The following RRP8 variants were observed in gnomAD, a reference collection of about 807,000 sequenced individuals.
The protein encoded by RRP8 is ribosomal RNA processing 8, also known as ribosomal RNA-processing protein 8.
In RRP8, 48 loss-of-function variants were observed where a neutral mutation model predicts 45.0. That is an observed-to-expected ratio of 1.07 (90% CI 0.85 to 1.36). The LOEUF is 1.36. Among genes scored for constraint, RRP8 ranks in the 40% most tolerant of loss-of-function variants. The pLI, the probability that RRP8 is intolerant of heterozygous loss-of-function variation, is 0.00. For synonymous variants in RRP8, 274 were observed against 212.4 expected, an observed-to-expected ratio of 1.29 and a Z score of -2.52; for missense variants, 658 against 573.7, an observed-to-expected ratio of 1.15 and a Z score of -1.50.
rs1385838889 is a variant in RRP8 at position 6,601,376 on chromosome 11, GCTGT to G, written c.686_689del (p.Asp229AlafsTer59). 1 of 1,614,150 alleles carries G rather than the reference GCTGT, an allele frequency of 6.2e-7. No individual in the cohort carries two copies. The highest frequency in any genetic ancestry group is 8.5e-7 in the Non-Finnish European group (1 of 1,180,022). Reference sequence around the variant, plus strand: ...GCAAAGCCCCTGCCCGAGCCTCATGGCTGTCTGTCCTGGGAACAGGAGACACCTC... The same window carrying G: ...GCAAAGCCCCTGCCCGAGCCTCATGGCTGTCCTGGGAACAGGAGACACCTC... On this transcript the variant is annotated frameshift_variant, in exon 3 of 7. Transcript: ENST00000254605. LOFTEE classifies it high-confidence loss of function.
rs749681682 is a variant in RRP8 at position 6,602,058 on chromosome 11, G to C, written c.257C>G (p.Ala86Gly). The C allele has an allele frequency of 2.5e-6, 4 of 1,613,796 alleles. No homozygotes were observed. The highest frequency in any genetic ancestry group is 1.7e-5 in the Admixed American group (1 of 59,980). The change falls in exon 2 of 7, where the codon GCT (alanine) becomes GGT (glycine). Residue 86 changes from alanine to glycine, a missense_variant. By Grantham distance (60) the Ala-to-Gly change is moderately conservative (BLOSUM62 0). Transcript: ENST00000254605. ...PKKASFASASAEVGKKGKKKC... is the reference protein window; with the variant it reads ...PKKASFASASGEVGKKGKKKC... The stretch of plus-strand genomic sequence containing the variant: ...CTTCTTCCCTTTCTTCCCTACTTCA[G>C]CAGAGGCACTGGCAAATGATGCCTT...
chr11:6,603,469 G>C lies in RRP8; in HGVS notation c.34C>G (p.Pro12Ala), dbSNP rs990863254. ...ACGGGCCCAAGGCCCGCGGCTACTG[G>C]GGCCGCCTCGGCCCACTCAGGCTCT... is the stretch of plus-strand genomic sequence containing the variant. ...FEEPEWAEAA[P>A]VAAGLGPVIS... Residue 12 changes from proline to alanine, a missense_variant, in exon 1 of 7, where the codon CCA becomes GCA. Transcript: ENST00000254605. The C allele has an allele frequency of 6.3e-7, 1 of 1,598,964 alleles. No homozygotes were observed. The highest frequency in any genetic ancestry group is 1.3e-5 in the African/African-American group (1 of 74,508).
At chr11:6,603,154 G>A (rs1213636664) in intron 1 of RRP8, among the ~76,000 whole-genome samples, 1 of 152,212 alleles carries the variant, frequency 6.6e-6, no homozygotes, top group Non-Finnish European at 1.5e-5. Context: ...GACAGAACAT[G>A]CTCTCTTGTC....
Position 6,600,062 on chromosome 11 carries a change from G to T in RRP8, c.*84C>A. Reference sequence around the variant, plus strand: ...AGGGTCCACCAGGAACCAGGTCTTGGCTCACAGCCAGGCTGGAAACAGTCT... The same window carrying T: ...AGGGTCCACCAGGAACCAGGTCTTGTCTCACAGCCAGGCTGGAAACAGTCT... On this transcript the variant is annotated 3_prime_UTR_variant, in exon 7 of 7. Transcript: ENST00000254605. 1.1e-6 allele frequency: 1 copy of T among 907,660 alleles called. No individual in the cohort carries two copies. 56.2% of individuals were successfully genotyped at this position (907,660 alleles called of 1,614,324 possible).
At position 6,601,495 on chromosome 11, in the gene RRP8, G is replaced by A. The variant is rs142862258; in HGVS notation, c.571C>T (p.Arg191Trp). Residue 191 changes from arginine to tryptophan, a missense_variant, in exon 3 of 7, where the codon CGG becomes TGG. Transcript: ENST00000254605. Reference sequence around the variant, plus strand: ...TTACATCTTCTCTTGTTCTTTTGCCGGTTCCGCCACTGCTTGCGGCTTAAT... The same window carrying A: ...TTACATCTTCTCTTGTTCTTTTGCCAGTTCCGCCACTGCTTGCGGCTTAAT... ...HTLSRKQWRN[R>W]QKNKRRCKNK... is the part of the protein sequence containing the mutation. 8.7e-5 allele frequency: 140 copies of A among 1,613,252 alleles called. No individual in the cohort carries two copies. Among genetic ancestry groups the A allele is most frequent in the African/African-American group, 8.4e-4 (63 of 75,026 alleles).
chr11:6,600,310 C>T (rs777227190), intron 6 of RRP8, 45 bp from the exon 7 acceptor site: 6 of 1,393,266 alleles, frequency 4.3e-6, no homozygotes, highest in Non-Finnish European at 5.9e-6. Context: ...CTCATCCCAA[C>T]TCCTTAAAAC....
Position 6,601,331 on chromosome 11 carries a change from C to A in RRP8, c.735G>T (p.Arg245=), listed in dbSNP as rs1854352953. ...GGTAGCGAAATCGGGCCCCATCCAG[C>A]CGCTGTGCCATGCGGGCTCGCAAAG... The part of the protein sequence containing the change: ...AGALRARMAQ[R]LDGARFRYLN... Residue 245 remains arginine, a synonymous_variant, in exon 3 of 7, where the codon CGG becomes CGT. Transcript: ENST00000254605. 1 of 1,613,792 alleles carries A rather than the reference C, an allele frequency of 6.2e-7. No individual in the cohort carries two copies. The highest frequency in any genetic ancestry group is 1.3e-5 in the African/African-American group (1 of 74,930).
At position 6,603,439 on chromosome 11, in the gene RRP8, A is replaced by G. The variant is rs749917411; in HGVS notation, c.64T>C (p.Ser22Pro). The G allele has an allele frequency of 6.2e-7, 1 of 1,605,396 alleles. No homozygotes were observed. The highest frequency in any genetic ancestry group is 1.7e-5 in the Admixed American group (1 of 59,024). The change falls in exon 1 of 7, where the codon TCA becomes CCA. Residue 22 changes from serine (S) to proline (P), a missense_variant. Ser to Pro is a moderately conservative substitution (Grantham distance 74). Coordinates refer to ENST00000254605, the MANE Select transcript of RRP8 (RefSeq NM_015324.4). ...GAGGAGGCCGCAGGCGGAGGTCGTG[A>G]GATTACGGGCCCAAGGCCCGCGGCT... ...PVAAGLGPVI[S>P]RPPPAASSQN... is the part of the protein sequence containing the mutation.
At position 6,598,582 on chromosome 11, in the gene RRP8, A is replaced by C. The variant is rs1425486386; in HGVS notation, c.*1564T>G. 6.6e-6 allele frequency: 1 copy of C among 152,276 alleles called. No individual in the cohort carries two copies. The highest frequency in any genetic ancestry group is 1.9e-4 in the East Asian group (1 of 5,210). The allele number at this position is 152,276 out of a possible 1,614,324, so 9.4% of individuals were successfully genotyped here. Reference sequence around the variant, plus strand: ...GAACTGATTTTGCTTTGGGAGTAGAATAGGAAACAACTAGGCTGTTCGGAA... The same window carrying C: ...GAACTGATTTTGCTTTGGGAGTAGACTAGGAAACAACTAGGCTGTTCGGAA... On this transcript the variant is annotated 3_prime_UTR_variant, in exon 7 of 7. Transcript: ENST00000254605.
rs1854232558 is a variant in RRP8, at chr11:6,596,600, T to C, written c.*3546A>G. 4 of 152,094 alleles carry C rather than the reference T, an allele frequency of 2.6e-5. No homozygotes were observed. In the South Asian group the frequency reaches 6.2e-4, roughly 24 times the overall value. The allele number at this position is 152,094 out of a possible 1,614,324, so 9.4% of individuals were successfully genotyped here. On this transcript the variant is annotated 3_prime_UTR_variant, in exon 7 of 7. Transcript: ENST00000254605. ...ACCAGTAAGGCAGTTACTGCAGGAG[T>C]TGGGTATCCTAAAACCAGATGGCTG...
At position 6,603,399 on chromosome 11, in the gene RRP8, C is replaced by G; in HGVS notation, c.99+5G>C. On this transcript the variant is annotated splice_donor_5th_base_variant and intron_variant, in intron 1 of 6. Transcript: ENST00000254605. ...CAGCTCCCATTGCTCCCGCGAGTCA[C>G]TCACCTTGTTTTGCGAGGAGGCCGC... The G allele has an allele frequency of 6.3e-7, 1 of 1,596,472 alleles. No homozygotes were observed. The highest frequency in any genetic ancestry group is 8.5e-7 in the Non-Finnish European group (1 of 1,171,634).
chr11:6,601,692 T>C, intron 2 of RRP8, 90 bp from the exon 3 acceptor site: 3 of 1,496,316 alleles, frequency 2.0e-6, no homozygotes, highest in South Asian at 2.6e-5. Context: ...CCTCTGTCTT[T>C]GAGATCGTGA....
In RRP8 at chr11:6,600,163, G is replaced by A. The variant is rs371291547; in HGVS notation, c.1354C>T (p.Leu452Phe). 1 of 1,597,542 alleles carries A rather than the reference G, an allele frequency of 6.3e-7. No homozygotes were observed. Among genetic ancestry groups the A allele is most frequent in the Non-Finnish European group, 8.5e-7 (1 of 1,173,510 alleles). ...QLSGLQLQPC[L>F]YKRR Reference sequence around the variant, plus strand: ...TCCAGAGGTCACCTGCGCTTGTAGAGACATGGCTGAAGCTGCAGGCCTGAA... The same window carrying A: ...TCCAGAGGTCACCTGCGCTTGTAGAAACATGGCTGAAGCTGCAGGCCTGAA... Residue 452 changes from leucine (L) to phenylalanine (F), a missense_variant, in exon 7 of 7, where the codon CTC becomes TTC. Leu to Phe is a conservative substitution (Grantham distance 22). Coordinates refer to ENST00000254605, the MANE Select transcript of RRP8 (RefSeq NM_015324.4).
rs146302834 is a variant in RRP8 at position 6,600,550 on chromosome 11, C to A, written c.1187G>T (p.Arg396Leu). Residue 396 changes from arginine (R) to leucine (L), a missense_variant, in exon 6 of 7, where the codon CGC (arginine) becomes CTC (leucine). Coordinates refer to ENST00000254605, the MANE Select transcript of RRP8 (RefSeq NM_015324.4). Reference protein sequence around the residue: ...GLLKVAEVSSRFEDVRTFLRA... With the variant: ...GLLKVAEVSSLFEDVRTFLRA... ...CAGAAAGGTTCGAACATCCTCAAAGCGGCTGCTGACCTCAGCCACTTTCAG... is the reference window on the plus strand; with the variant it reads ...CAGAAAGGTTCGAACATCCTCAAAGAGGCTGCTGACCTCAGCCACTTTCAG... 3.7e-6 allele frequency: 6 copies of A among 1,614,090 alleles called. No homozygotes were observed. Among genetic ancestry groups the A allele is most frequent in the South Asian group, 2.2e-5 (2 of 91,066 alleles).
chr11:6,600,599 G>A lies in RRP8; in HGVS notation c.1155-17C>T. On this transcript the variant is annotated splice_polypyrimidine_tract_variant and intron_variant, in intron 5 of 6. Coordinates refer to ENST00000254605, the MANE Select transcript of RRP8 (RefSeq NM_015324.4). ...AGGAGACCCCTGAGAAAGACAGAAA[G>A]TTCTGTGTAAGTGCACAGACTCATG... 1 of 1,613,418 alleles carries A rather than the reference G, an allele frequency of 6.2e-7. No homozygotes were observed. Among genetic ancestry groups the A allele is most frequent in the East Asian group, 2.2e-5 (1 of 44,880 alleles).
chr11:6,601,362 G>A lies in RRP8; in HGVS notation c.704C>T (p.Ala235Val). The A allele has an allele frequency of 6.2e-7, 1 of 1,614,114 alleles. No homozygotes were observed. The highest frequency in any genetic ancestry group is 1.1e-5 in the South Asian group (1 of 91,084). Residue 235 changes from alanine to valine, a missense_variant, in exon 3 of 7, where the codon GCA becomes GTA. By Grantham distance (64) the Ala-to-Val change is moderately conservative. Coordinates refer to ENST00000254605, the MANE Select transcript of RRP8 (RefSeq NM_015324.4). Reference sequence around the variant, plus strand: ...TGCCATGCGGGCTCGCAAAGCCCCTGCCCGAGCCTCATGGCTGTCTGTCCT... The same window carrying A: ...TGCCATGCGGGCTCGCAAAGCCCCTACCCGAGCCTCATGGCTGTCTGTCCT... ...VPRTDSHEAR[A>V]GALRARMAQR...
intron 4 of RRP8, 64 bp downstream of exon 4, chr11:6,600,862 A>T: frequency 6.2e-7 from 1 of 1,612,128 alleles, no homozygotes; most frequent in Non-Finnish European, 8.5e-7. Flanking sequence ...AGGGGAAGGA[A>T]GGGTTAGAGA....
In RRP8 at chr11:6,598,439, G is replaced by A. The variant is rs1358178471; in HGVS notation, c.*1707C>T. The A allele has an allele frequency of 6.6e-6, 1 of 152,204 alleles. No individual in the cohort carries two copies. The highest frequency in any genetic ancestry group is 1.5e-5 in the Non-Finnish European group (1 of 68,060). The allele number at this position is 152,204 out of a possible 1,614,324, so 9.4% of individuals were successfully genotyped here. On this transcript the variant is annotated 3_prime_UTR_variant, in exon 7 of 7. Coordinates refer to ENST00000254605, the MANE Select transcript of RRP8 (RefSeq NM_015324.4). ...CTATATCTCAAATGACAAGCTCCGGGAATACAAAGATAAACATGGCTTGAG... is the reference window on the plus strand; with the variant it reads ...CTATATCTCAAATGACAAGCTCCGGAAATACAAAGATAAACATGGCTTGAG...
chr11:6,603,616 C>G lies in RRP8; in HGVS notation c.-114G>C. The G allele has an allele frequency of 1.6e-6, 1 of 626,916 alleles. No individual in the cohort carries two copies. Among genetic ancestry groups the G allele is most frequent in the South Asian group, 2.1e-5 (1 of 47,284 alleles). The allele number at this position is 626,916 out of a possible 1,614,324, so 38.8% of individuals were successfully genotyped here. ...AACCGACCCGGAAACCAAAGCGTGA[C>G]AGCCAGGGGTTGCTAGAGCGGCCGG... On this transcript the variant is annotated 5_prime_UTR_variant, in exon 1 of 7. Transcript: ENST00000254605.
Sources: gnomAD v4.1 joint callset for allele counts (sites outside exome capture counted in the v4.1 genomes callset) on GRCh38, gnomAD v4.1.1 for gene constraint, MANE v1.5 for transcripts, NCBI Gene and HGNC (gene_info 2026-07-23, HGNC 2026-07-21) for gene names.